The following DMD variants were observed in gnomAD, a reference collection of about 807,000 sequenced individuals.
The protein encoded by DMD is dystrophin.
DMD carries 63 observed loss-of-function variants against 330.1 expected under a neutral mutation model. The observed-to-expected ratio is 0.19, with a 90% CI of 0.16 to 0.24. The LOEUF is 0.24. DMD is among the 10% of genes least tolerant of loss of function. The probability of loss-of-function intolerance (pLI) is 1.00; values close to 1 mark genes in which losing one functional copy is unlikely to be tolerated. For missense variants in DMD, 3,344 were observed against 2,684.1 expected (o/e 1.25, Z -5.43); for synonymous variants, 1,223 against 959.8 (o/e 1.27, Z -5.07).
intron 60 of DMD, among the ~76,000 whole-genome samples, chrX:31,383,795 T>C (rs112233423): frequency 0.13 from 14,582 of 111,402 alleles, 839 homozygotes; most frequent in African/African-American, 0.22. Context: ...AGGAGTCTGA[T>C]TGCGGACAGC....
At chrX:31,716,826 T>TAC (rs3032284) in intron 52 of DMD, among the ~76,000 whole-genome samples, 3,279 of 96,371 alleles carry the variant, frequency 0.034, 76 homozygotes, top group African/African-American at 0.066. Context: ...TATATAAGAA[T>TAC]ACACACACAC....
intron 44 of DMD, among the ~76,000 whole-genome samples, chrX:32,060,180 T>C (rs2096212808): frequency 9.0e-6 from 1 of 111,548 alleles, no homozygotes; most frequent in Non-Finnish European, 1.9e-5. Flanking sequence ...CCTAGAAAAT[T>C]TAAGCGGTGA....
intron 2 of DMD, among the ~76,000 whole-genome samples, chrX:32,863,000 G>C (rs1026691617): frequency 9.0e-6 from 1 of 110,517 alleles, no homozygotes; most frequent in African/African-American, 3.3e-5. Context: ...GCCTCCCAAA[G>C]TGCTGAGATT....
At chrX:32,640,835 T>C (rs1170496439) in intron 11 of DMD, among the ~76,000 whole-genome samples, 1 of 111,162 alleles carries the variant, frequency 9.0e-6, no homozygotes, top group African/African-American at 3.3e-5. Flanking sequence ...TAAAATCTGA[T>C]GGCTTTGTCT....
At chrX:31,368,791 G>A (rs1463336223) in intron 60 of DMD, among the ~76,000 whole-genome samples, 1 of 110,684 alleles carries the variant, frequency 9.0e-6, no homozygotes, top group African/African-American at 3.3e-5. Context: ...GATTACAGGT[G>A]TGTGCCACCA....
chrX:32,585,699 C>CAAAAAAAAAA lies in DMD; in HGVS notation c.1602+10048_1602+10057dup, dbSNP rs61394183. Among the ~76,000 whole-genome samples the CAAAAAAAAAA allele has an allele frequency of 5.5e-3, 175 of 31,933 alleles. 8 individuals carry two copies. The highest frequency in any genetic ancestry group is 7.8e-3 in the Non-Finnish European group (140 of 17,957). 27.7% of individuals were successfully genotyped at this position (31,933 alleles called of 115,157 possible). On this transcript the variant is annotated intron_variant, in intron 13 of 78. Transcript: ENST00000357033. ...TGGGTGACAGAGCAGGACTCCGTCT[C>CAAAAAAAAAA]AAAAAAAAAAAAAAAAAAAAAAAAA... is the stretch of plus-strand genomic sequence containing the variant.
intron 62 of DMD, among the ~76,000 whole-genome samples, chrX:31,262,537 C>T (rs2050626145): frequency 2.7e-5 from 3 of 112,473 alleles, no homozygotes; most frequent in Non-Finnish European, 5.6e-5. Context: ...CTACTGAAAT[C>T]AATTTGCAAG....
chrX:32,682,604 A>C (rs1193819957), intron 9 of DMD, among the ~76,000 whole-genome samples: 1 of 112,107 alleles, frequency 8.9e-6, no homozygotes, highest in East Asian at 2.8e-4. Flanking sequence ...TTCATATCAA[A>C]AAAAACAAAT....
chrX:32,290,351 C>T (rs964013822), intron 42 of DMD, among the ~76,000 whole-genome samples: 1 of 111,890 alleles, frequency 8.9e-6, no homozygotes, highest in African/African-American at 3.2e-5. Flanking sequence ...CCGGTATATA[C>T]CACTAATTTG....
chrX:32,603,993 A>G (rs1420801498), intron 12 of DMD, among the ~76,000 whole-genome samples: 1 of 111,333 alleles, frequency 9.0e-6, no homozygotes, highest in Admixed American at 9.6e-5. Context: ...TCCCTAATTA[A>G]TTCTACGAAG....
chrX:31,274,494 G>A (rs1422427966), intron 62 of DMD, among the ~76,000 whole-genome samples: 1 of 111,444 alleles, frequency 9.0e-6, no homozygotes, highest in Admixed American at 9.5e-5. Flanking sequence ...CAGCCAGCAA[G>A]TGGCAGGAAT....
At chrX:31,586,690 T>C (rs4829105) in intron 55 of DMD, among the ~76,000 whole-genome samples, 16,882 of 111,864 alleles carry the variant, frequency 0.15, 994 homozygotes, top group East Asian at 0.27. Flanking sequence ...AGTTCCTATG[T>C]ACCATGAATC....
At chrX:31,912,680 A>AT (rs1210684436) in intron 47 of DMD, among the ~76,000 whole-genome samples, 2 of 111,708 alleles carry the variant, frequency 1.8e-5, no homozygotes, top group African/African-American at 6.5e-5. Context: ...ATCTCAGTCC[A>AT]TTTTTGTAGG....
chrX:33,067,276 G>A (rs1049832708), intron 1 of DMD, among the ~76,000 whole-genome samples: 5 of 112,058 alleles, frequency 4.5e-5, no homozygotes, highest in Non-Finnish European at 9.4e-5. Context: ...TGAACTCAGC[G>A]ACTGCAGACA....
chrX:31,429,408 A>G (rs1322801888), intron 60 of DMD, among the ~76,000 whole-genome samples: 1 of 111,428 alleles, frequency 9.0e-6, no homozygotes, highest in African/African-American at 3.3e-5. Flanking sequence ...TCACTTGTAC[A>G]TCTGGCTCCT....
At chrX:31,369,799 C>T (rs1195242141) in intron 60 of DMD, among the ~76,000 whole-genome samples, 1 of 111,398 alleles carries the variant, frequency 9.0e-6, no homozygotes, top group Non-Finnish European at 1.9e-5. Flanking sequence ...ATTGAACATC[C>T]ATATGCAAAA....
intron 4 of DMD, among the ~76,000 whole-genome samples, chrX:32,843,367 T>C (rs986678998): frequency 8.9e-6 from 1 of 112,087 alleles, no homozygotes; most frequent in Non-Finnish European, 1.9e-5. Context: ...AAAGAGTCCA[T>C]CGGACTAATA....
intron 5 of DMD, among the ~76,000 whole-genome samples, chrX:32,817,325 T>TGTA (rs1366147139): frequency 8.9e-6 from 1 of 112,035 alleles, no homozygotes; most frequent in Non-Finnish European, 1.9e-5. Context: ...GGTGTACATA[T>TGTA]GTAGCCTTGG....
chrX:32,156,794 C>T (rs1411143813), intron 44 of DMD, among the ~76,000 whole-genome samples: 1 of 111,589 alleles, frequency 9.0e-6, no homozygotes, highest in Non-Finnish European at 1.9e-5. Context: ...ACCCTAAATT[C>T]ACAGGCATAT....
Sources: gnomAD v4.1 joint callset for allele counts (sites outside exome capture counted in the v4.1 genomes callset) on GRCh38, gnomAD v4.1.1 for gene constraint, MANE v1.5 for transcripts, NCBI Gene and HGNC (gene_info 2026-07-23, HGNC 2026-07-21) for gene names.